Variants in HELB observed in about 807,000 individuals in gnomAD.
HELB encodes DNA helicase B, also known as DNA 5'-3' helicase B.
HELB carries 96 observed loss-of-function variants against 101.7 expected under a neutral mutation model. That is an observed-to-expected ratio of 0.94 (90% CI 0.80 to 1.12). HELB has a LOEUF of 1.12. Ranked by LOEUF, HELB falls within the 50% of genes most tolerant of loss-of-function variation. The probability of loss-of-function intolerance (pLI) is 0.00; values close to 1 mark genes in which losing one functional copy is unlikely to be tolerated. For synonymous variants in HELB, 437 were observed against 459.7 expected (o/e 0.95, Z 0.63); for missense variants, 1,210 against 1,291.9 (o/e 0.94, Z 0.97).
intron 6 of HELB, 59 bp downstream of exon 6, chr12:66,315,442 GC>G: frequency 1.5e-6 from 2 of 1,321,488 alleles, no homozygotes; most frequent in Non-Finnish European, 2.0e-6. Context: ...TTAAAAAATG[GC>G]CTTTGAATTA....
intron 1 of HELB, 38 bp downstream of exon 1, chr12:66,302,828 G>T (rs1218625241): frequency 6.5e-7 from 1 of 1,532,586 alleles, no homozygotes; most frequent in Non-Finnish European, 8.8e-7. Flanking sequence ...GGGTTGGAGG[G>T]TCCAAAGTAG....
At chr12:66,325,161 T>C (rs1425649676) in intron 11 of HELB, 35 bp downstream of exon 11, 1 of 1,455,086 alleles carries the variant, frequency 6.9e-7, no homozygotes, top group Non-Finnish European at 9.5e-7. Flanking sequence ...TTTTAAATAA[T>C]TTACCAACCT....
intron 9 of HELB, among the ~76,000 whole-genome samples, chr12:66,323,426 T>C (rs1380610224): frequency 1.3e-5 from 2 of 152,148 alleles, no homozygotes; most frequent in Non-Finnish European, 2.9e-5. Context: ...CTCCCACGTC[T>C]ATAAAAGCGG....
rs183947221 is a variant in HELB at position 66,324,684 on chromosome 12, T to C, written c.2527-299T>C. On this transcript the variant is annotated intron_variant, in intron 10 of 12. Coordinates refer to ENST00000247815, the MANE Select transcript of HELB (RefSeq NM_001370285.1). ...ACTGCAAAGAATCTACTCAGACTTA[T>C]GTAGTCAATACAAGAAATGAATGTA... Among the ~76,000 whole-genome samples the C allele has an allele frequency of 1.8e-4, 27 of 152,314 alleles. No individual in the cohort carries two copies. The East Asian group carries it at 4.4e-3, about 25-fold the overall frequency.
intron 10 of HELB, 107 bp from the exon 11 acceptor site, chr12:66,324,876 G>A (rs1447081013): frequency 7.3e-7 from 1 of 1,377,704 alleles, no homozygotes; most frequent in Non-Finnish European, 1.0e-6. Context: ...AATGGTAATT[G>A]TAATTCTTAT....
At position 66,333,599 on chromosome 12, in the gene HELB, G is replaced by C. The variant is rs185694626; in HGVS notation, c.3162+1954G>C. Reference sequence around the variant, plus strand: ...TACTCGAGAGGCTGAGGGAGGAGTCGCTTGAACCCAGGAGGTAGAGGTTGC... The same window carrying C: ...TACTCGAGAGGCTGAGGGAGGAGTCCCTTGAACCCAGGAGGTAGAGGTTGC... On this transcript the variant is annotated intron_variant, in intron 12 of 12. Transcript: ENST00000247815. Among the ~76,000 whole-genome samples, 213 of 152,008 alleles carry C rather than the reference G, an allele frequency of 1.4e-3. 1 individual carries two copies. The highest frequency in any genetic ancestry group is 5.0e-3 in the African/African-American group (206 of 41,444).
rs2053521303 is a variant in HELB at position 66,309,934 on chromosome 12, A to C, written c.1006A>C (p.Lys336Gln). ...ATTTCATGCTGCTTCAGAGTCTCTG[A>C]AGTTTTTGAAGGATATTGGTGTGGT... is the stretch of plus-strand genomic sequence containing the variant. ...MSFHAASESL[K>Q]FLKDIGVVTY... The change falls in exon 4 of 13, where the codon AAG becomes CAG. Residue 336 changes from lysine (K) to glutamine (Q), a missense_variant. Physicochemically the swap from Lys to Gln is moderately conservative, Grantham distance 53. This residue lies in a region of HELB where 470 missense variants were observed against 563.1 expected (regional missense o/e 0.83). Coordinates refer to ENST00000247815, the MANE Select transcript of HELB (RefSeq NM_001370285.1). 1 of 1,614,206 alleles carries C rather than the reference A, an allele frequency of 6.2e-7. No homozygotes were observed. The highest frequency in any genetic ancestry group is 1.3e-5 in the African/African-American group (1 of 75,058).
At chr12:66,311,342 GTTCCA>G (rs2053542869) in intron 4 of HELB, among the ~76,000 whole-genome samples, 1 of 152,076 alleles carries the variant, frequency 6.6e-6, no homozygotes, top group African/African-American at 2.4e-5. Flanking sequence ...TGCACCTGTA[GTTCCA>G]GCTACTCAGG....
intron 12 of HELB, among the ~76,000 whole-genome samples, chr12:66,336,677 C>T (rs543221999): frequency 1.6e-4 from 25 of 152,194 alleles, no homozygotes; most frequent in Non-Finnish European, 2.9e-4. Context: ...ACACAGGGCA[C>T]GGTGTGTGGA....
chr12:66,330,270 A>AT lies in HELB; in HGVS notation c.2671-878dup, dbSNP rs201667173. Reference sequence around the variant, plus strand: ...ATTGAGTATTTTTCTTGCCTATCCAATTTTTTGTTAAAAGACAAAGGTTCA... The same window carrying AT: ...ATTGAGTATTTTTCTTGCCTATCCAATTTTTTTGTTAAAAGACAAAGGTTCA... On this transcript the variant is annotated intron_variant, in intron 11 of 12. Coordinates refer to ENST00000247815, the MANE Select transcript of HELB (RefSeq NM_001370285.1). Among the ~76,000 whole-genome samples the AT allele has an allele frequency of 3.5e-3, 529 of 152,234 alleles. 6 individuals are homozygous for AT. The East Asian group carries it at 0.037, about 11-fold the overall frequency.
At chr12:66,327,066 A>ATATATATATATATATATATATAT (rs58699707) in intron 11 of HELB, among the ~76,000 whole-genome samples, 1 of 46,820 alleles carries the variant, frequency 2.1e-5, no homozygotes, top group African/African-American at 1.3e-4. Flanking sequence ...AAAAAAAAAA[A>ATATATATATATATATATATATAT]ATATATATAT....
rs1239094944 is a variant in HELB at position 66,304,756 on chromosome 12, A to T, written c.213A>T (p.Gln71His). 6.2e-7 allele frequency: 1 copy of T among 1,609,038 alleles called. No individual in the cohort carries two copies. Among genetic ancestry groups the T allele is most frequent in the Non-Finnish European group, 8.5e-7 (1 of 1,177,796 alleles). Residue 71 changes from glutamine to histidine, a missense_variant, in exon 2 of 13, where the codon CAA (glutamine) becomes CAT (histidine). By Grantham distance (24) the Gln-to-His change is conservative. Transcript: ENST00000247815. ...TTTCTATTTGTGATGAAAACACACA[A>T]GAGACATGTAAAGTGTTTGGACGTT... The part of the protein sequence containing the change: ...LRVSICDENT[Q>H]ETCKVFGRFP...
In HELB at chr12:66,327,384, T is replaced by C. The variant is rs180949619; in HGVS notation, c.2670+2258T>C. On this transcript the variant is annotated intron_variant, in intron 11 of 12. Transcript: ENST00000247815. The stretch of plus-strand genomic sequence containing the variant: ...TCTAGAATTCCTAATATGTGCATAT[T>C]AGACTTCCAGAAGTAGTTACCTAAA... Among the ~76,000 whole-genome samples the C allele has an allele frequency of 1.1e-4, 17 of 152,294 alleles. No homozygotes were observed. The East Asian group carries it at 3.3e-3, about 29-fold the overall frequency.
chr12:66,328,886 G>T (rs140489190), intron 11 of HELB, among the ~76,000 whole-genome samples: 235 of 152,054 alleles, frequency 1.5e-3, no homozygotes, highest in African/African-American at 5.3e-3. Context: ...TTTTTAATGA[G>T]ACTACTAGAA....
At chr12:66,323,509 G>A (rs1004265618) in intron 9 of HELB, among the ~76,000 whole-genome samples, 3 of 152,180 alleles carry the variant, frequency 2.0e-5, no homozygotes, top group East Asian at 1.9e-4. Flanking sequence ...AGCAGTTAGC[G>A]CAGTAGCTGG....
At chr12:66,327,761 A>G (rs1625394) in intron 11 of HELB, among the ~76,000 whole-genome samples, 75,946 of 151,932 alleles carry the variant, frequency 0.5, 19,313 homozygotes, top group East Asian at 0.71. Flanking sequence ...ATTTGGTGGG[A>G]AAGGGGATAG....
intron 12 of HELB, among the ~76,000 whole-genome samples, chr12:66,332,220 G>A (rs1286148816): frequency 6.6e-6 from 1 of 152,024 alleles, no homozygotes; most frequent in Non-Finnish European, 1.5e-5. Context: ...TAGTTACATG[G>A]CTTAAAGTCT....
intron 7 of HELB, among the ~76,000 whole-genome samples, chr12:66,321,230 T>C (rs2053666784): frequency 6.6e-6 from 1 of 152,154 alleles, no homozygotes; most frequent in African/African-American, 2.4e-5. Flanking sequence ...ATTCATAATA[T>C]GGATGTCATC....
At chr12:66,340,046 A>T (rs1300014996), downstream of HELB, 1 of 152,134 alleles carries the variant, frequency 6.6e-6, no homozygotes, top group Non-Finnish European at 1.5e-5. Flanking sequence ...TTATTTCCTA[A>T]TTTTTGGCTA....
Sources: gnomAD v4.1 joint callset for allele counts (sites outside exome capture counted in the v4.1 genomes callset) on GRCh38, gnomAD v4.1.1 for gene constraint, gnomAD v4.1.1 regional missense constraint, MANE v1.5 for transcripts, NCBI Gene and HGNC (gene_info 2026-07-23, HGNC 2026-07-21) for gene names.